CEP57L1: variants seen among roughly 807,000 people sequenced by gnomAD.
The protein encoded by CEP57L1 is centrosomal protein CEP57L1.
In CEP57L1, 37 loss-of-function variants were observed where a neutral mutation model predicts 61.0. That is an observed-to-expected ratio of 0.61 (90% confidence interval 0.47 to 0.80). The LOEUF is 0.80. Ranked by LOEUF, CEP57L1 falls within the 30% of genes least tolerant of loss-of-function variation. The probability of loss-of-function intolerance (pLI) is 0.00; values close to 1 mark genes in which losing one functional copy is unlikely to be tolerated. For synonymous variants in CEP57L1, 137 were observed against 162.3 expected, an observed-to-expected ratio of 0.84 and a Z score of 1.19; for missense variants, 422 against 524.7, an observed-to-expected ratio of 0.80 and a Z score of 1.91.
intron 1 of CEP57L1, among the ~76,000 whole-genome samples, chr6:109,105,701 A>G (rs1024288627): frequency 6.6e-6 from 1 of 152,128 alleles, no homozygotes; most frequent in Non-Finnish European, 1.5e-5. Flanking sequence ...TATAGTGCAC[A>G]TGTATGTTTT....
rs1243060477 is a variant in CEP57L1, at chr6:109,164,533, G to T, written c.*1563G>T. ...CTCAGCCCTGGAGATGTTCCATAGGGTGTTTGATCTAAACTCAGTTGCATC... is the reference window on the plus strand; with the variant it reads ...CTCAGCCCTGGAGATGTTCCATAGGTTGTTTGATCTAAACTCAGTTGCATC... On this transcript the variant is annotated 3_prime_UTR_variant, in exon 11 of 11. Coordinates refer to ENST00000517392, the MANE Select transcript of CEP57L1 (RefSeq NM_001271852.3). Among the ~76,000 whole-genome samples, 1 of 152,064 alleles carries T rather than the reference G, an allele frequency of 6.6e-6. No homozygotes were observed. Among genetic ancestry groups the T allele is most frequent in the Non-Finnish European group, 1.5e-5 (1 of 68,016 alleles).
Position 109,153,905 on chromosome 6 carries a change from G to C in CEP57L1, c.535G>C (p.Glu179Gln). 1 of 1,610,876 alleles carries C rather than the reference G, an allele frequency of 6.2e-7. No individual in the cohort carries two copies. Among genetic ancestry groups the C allele is most frequent in the Admixed American group, 1.7e-5 (1 of 59,382 alleles). Reference protein sequence around the residue: ...YAKLEKLDVLEKECFRLTTTQ... With the variant: ...YAKLEKLDVLQKECFRLTTTQ... ...AAAACTTGAAAAGCTTGATGTCTTA[G>C]AAAAAGAGTGTTTCAGACTTACAAC... Residue 179 changes from glutamate to glutamine, a missense_variant, in exon 5 of 11, where the codon GAA becomes CAA. By Grantham distance (29) the Glu-to-Gln change is conservative. Transcript: ENST00000517392.
intron 10 of CEP57L1, among the ~76,000 whole-genome samples, chr6:109,161,065 T>C (rs1773677548): frequency 6.6e-6 from 1 of 152,174 alleles, no homozygotes; most frequent in African/African-American, 2.4e-5. Flanking sequence ...AATGCCTTAA[T>C]GATACCCCTT....
intron 1 of CEP57L1, among the ~76,000 whole-genome samples, chr6:109,139,382 C>T (rs1771092775): frequency 6.6e-6 from 1 of 152,178 alleles, no homozygotes; most frequent in South Asian, 2.1e-4. Flanking sequence ...CAGCTCACCA[C>T]AACATTCGCC....
chr6:109,124,081 A>T (rs1040512516), intron 1 of CEP57L1, among the ~76,000 whole-genome samples: 13 of 151,972 alleles, frequency 8.6e-5, no homozygotes, highest in Non-Finnish European at 1.6e-4. Flanking sequence ...GTCTCAAAAA[A>T]AAAAAAGAAC....
At chr6:109,158,505 T>G in intron 7 of CEP57L1, 2 of 393,456 alleles carry the variant, frequency 5.1e-6, no homozygotes, top group Non-Finnish European at 9.9e-6. Flanking sequence ...AAAAGGATAT[T>G]TCGATTGTTT....
At chr6:109,131,613 A>G (rs149109800) in intron 1 of CEP57L1, among the ~76,000 whole-genome samples, 5 of 151,938 alleles carry the variant, frequency 3.3e-5, no homozygotes, top group Admixed American at 2.0e-4. Flanking sequence ...GTTTCAAGCA[A>G]TATGGCAGAC....
At chr6:109,115,717 A>T (rs2114661715) in intron 1 of CEP57L1, among the ~76,000 whole-genome samples, 1 of 152,310 alleles carries the variant, frequency 6.6e-6, no homozygotes, top group South Asian at 2.1e-4. Flanking sequence ...CTGGGTTTGA[A>T]TTCTGGCTTT....
intron 10 of CEP57L1, among the ~76,000 whole-genome samples, chr6:109,162,512 A>G (rs1171107217): frequency 6.6e-6 from 1 of 151,914 alleles, no homozygotes; most frequent in African/African-American, 2.4e-5. Context: ...GCTTTTTTTC[A>G]CTAATAGGAG....
chr6:109,140,992 G>A (rs929341064), intron 1 of CEP57L1, among the ~76,000 whole-genome samples: 4 of 150,986 alleles, frequency 2.6e-5, no homozygotes, highest in Non-Finnish European at 5.9e-5. Context: ...CACCACACCC[G>A]GCTAATTTTT....
chr6:109,098,083 G>A (rs181921815), intron 1 of CEP57L1, among the ~76,000 whole-genome samples: 7 of 152,282 alleles, frequency 4.6e-5, no homozygotes, highest in Non-Finnish European at 1.0e-4. Flanking sequence ...AGAGTTTTGC[G>A]CAGATGAGGG....
At chr6:109,161,053 C>G (rs1350077451) in intron 10 of CEP57L1, among the ~76,000 whole-genome samples, 1 of 152,138 alleles carries the variant, frequency 6.6e-6, no homozygotes, top group Non-Finnish European at 1.5e-5. Flanking sequence ...CTTCTCTCCT[C>G]TAATGCCTTA....
intron 1 of CEP57L1, 21 bp from the exon 2 acceptor site, chr6:109,145,198 T>A: frequency 6.8e-7 from 1 of 1,466,148 alleles, no homozygotes; most frequent in Non-Finnish European, 9.2e-7. Flanking sequence ...TGATACTATA[T>A]CATTCCTTTA....
upstream of CEP57L1, chr6:109,095,431 C>T (rs1283466814): frequency 3.0e-6 from 3 of 985,762 alleles, no homozygotes; most frequent in East Asian, 3.4e-4. Context: ...TTCGCGTTGA[C>T]TTGTGGGGAA....
At position 109,172,198 on chromosome 6, in the gene CEP57L1, A is replaced by G. The variant is rs1348978404; in HGVS notation, c.*9228A>G. Among the ~76,000 whole-genome samples, 2 of 134,960 alleles carry G rather than the reference A, an allele frequency of 1.5e-5. No homozygotes were observed. The highest frequency in any genetic ancestry group is 7.2e-5 in the Admixed American group (1 of 13,982). 88.5% of individuals were successfully genotyped at this position (134,960 alleles called of 152,430 possible). A position where few individuals can be genotyped will look rare whatever the true frequency, so the allele number is the denominator to read the frequency against. On this transcript the variant is annotated 3_prime_UTR_variant, in exon 11 of 11. Coordinates refer to ENST00000517392, the MANE Select transcript of CEP57L1 (RefSeq NM_001271852.3). ...CCATAATTCTCTCAGCAGACAGACC[A>G]TAATTCTCTCAGCAACAATGTGTGA... is the stretch of plus-strand genomic sequence containing the variant.
In CEP57L1 at chr6:109,146,748, T is replaced by C; in HGVS notation, c.161-10T>C. The C allele has an allele frequency of 2.0e-6, 3 of 1,530,922 alleles. No individual in the cohort carries two copies. In the South Asian group the frequency reaches 3.8e-5, roughly 19 times the overall value. The allele number at this position is 1,530,922 out of a possible 1,614,324, so 94.8% of individuals were successfully genotyped here. A position where few individuals can be genotyped will look rare whatever the true frequency, so the allele number is the denominator to read the frequency against. ...TCACTTAAAATATCAACAAAATTTTTTTTCAACAGCTCTTATTTTAGCCTT... is the reference window on the plus strand; with the variant it reads ...TCACTTAAAATATCAACAAAATTTTCTTTCAACAGCTCTTATTTTAGCCTT... On this transcript the variant is annotated splice_polypyrimidine_tract_variant and intron_variant, in intron 2 of 10. Coordinates refer to ENST00000517392, the MANE Select transcript of CEP57L1 (RefSeq NM_001271852.3).
chr6:109,146,427 A>G (rs1562119656), intron 2 of CEP57L1, among the ~76,000 whole-genome samples: 1 of 151,986 alleles, frequency 6.6e-6, no homozygotes, highest in Non-Finnish European at 1.5e-5. Flanking sequence ...ATTCATATTT[A>G]TACTCTTATG....
intron 7 of CEP57L1, 90 bp from the exon 8 acceptor site, chr6:109,158,935 T>C: frequency 1.5e-6 from 2 of 1,318,704 alleles, no homozygotes; most frequent in South Asian, 1.4e-5. Flanking sequence ...TCCAGTTGCA[T>C]TGTTTTCTGT....
At chr6:109,113,789 A>G (rs959893924) in intron 1 of CEP57L1, among the ~76,000 whole-genome samples, 2 of 152,178 alleles carry the variant, frequency 1.3e-5, no homozygotes, top group African/African-American at 4.8e-5. Context: ...GAATTTAGTT[A>G]CCAAATGCTT....
Sources: gnomAD v4.1 joint callset for allele counts (sites outside exome capture counted in the v4.1 genomes callset) on GRCh38, gnomAD v4.1.1 for gene constraint, MANE v1.5 for transcripts, NCBI Gene and HGNC (gene_info 2026-07-23, HGNC 2026-07-21) for gene names.